COL4A4: variants seen among roughly 807,000 people sequenced by gnomAD.
The protein encoded by COL4A4 is collagen type IV alpha 4 chain, also known as collagen alpha-4(IV) chain.
A neutral mutation model predicts 192.9 loss-of-function variants in COL4A4; 105 were observed. The observed-to-expected ratio is 0.54, with a 90% CI of 0.46 to 0.64. The LOEUF (loss-of-function observed/expected upper bound fraction) is 0.64. COL4A4 is among the 30% of genes least tolerant of loss of function. The probability of loss-of-function intolerance (pLI) is 0.00; values close to 1 mark genes in which losing one functional copy is unlikely to be tolerated. For synonymous variants in COL4A4, 762 were observed against 769.9 expected (o/e 0.99, Z 0.17); for missense variants, 1,967 against 2,169.3 (o/e 0.91, Z 1.85).
At chr2:227,127,319 T>C (rs2062148154) in intron 4 of COL4A4, among the ~76,000 whole-genome samples, 1 of 152,246 alleles carries the variant, frequency 6.6e-6, no homozygotes. Flanking sequence ...TCTTTCTTTC[T>C]TTCTTTTGGT....
the COL4A4 span, among the ~76,000 whole-genome samples, chr2:226,983,611 T>A: frequency 6.6e-6 from 1 of 152,238 alleles, no homozygotes; most frequent in Non-Finnish European, 1.5e-5. Context: ...CTTTTCCCAC[T>A]GGCTTGTCTT....
chr2:227,048,296 C>T (rs1973324042), intron 34 of COL4A4, among the ~76,000 whole-genome samples: 1 of 152,176 alleles, frequency 6.6e-6, no homozygotes, highest in Non-Finnish European at 1.5e-5. Flanking sequence ...AAGTCTTTCT[C>T]CTATCTGATT....
In COL4A4 at chr2:227,146,283, C is replaced by CT. The variant is rs11331158; in HGVS notation, c.71+1129dup. 1.5e-3 allele frequency among the ~76,000 whole-genome samples: 227 copies of CT among 147,750 alleles called. 1 individual carries two copies. The highest frequency in any genetic ancestry group is 8.9e-3 in the Admixed American group (133 of 14,882). The stretch of plus-strand genomic sequence containing the variant: ...TAGATATTAAAAAGTAAGATCATTC[C>CT]TTTTTTTTTTTTCTTTAAAAAAAAA... On this transcript the variant is annotated intron_variant, in intron 2 of 47. Coordinates refer to ENST00000396625, the MANE Select transcript of COL4A4 (RefSeq NM_000092.5).
At chr2:226,993,594 G>GT in the COL4A4 span, among the ~76,000 whole-genome samples, 1 of 152,142 alleles carries the variant, frequency 6.6e-6, no homozygotes, top group Non-Finnish European at 1.5e-5. Flanking sequence ...TGGCAAAAAC[G>GT]TTTTTTGGGG....
At chr2:227,073,179 A>G (rs767207995) in intron 25 of COL4A4, among the ~76,000 whole-genome samples, 1 of 152,114 alleles carries the variant, frequency 6.6e-6, no homozygotes, top group Non-Finnish European at 1.5e-5. Context: ...CTTAGATATG[A>G]TAAACAAATT....
At chr2:227,032,082 T>G in intron 39 of COL4A4, 27 bp from the exon 40 acceptor site, 1 of 1,613,860 alleles carries the variant, frequency 6.2e-7, no homozygotes, top group Non-Finnish European at 8.5e-7. Context: ...TCACATGTTA[T>G]CCTCATTGCA....
the COL4A4 span, among the ~76,000 whole-genome samples, chr2:226,984,818 T>C: frequency 1.3e-5 from 2 of 151,586 alleles, no homozygotes; most frequent in African/African-American, 4.8e-5. Context: ...GTTCTGAGTG[T>C]CCTTAGACAG....
Position 227,007,217 on chromosome 2 carries a change from C to CT in COL4A4, c.*107dup. 1 of 1,487,934 alleles carries CT rather than the reference C, an allele frequency of 6.7e-7. No homozygotes were observed. The highest frequency in any genetic ancestry group is 9.4e-7 in the Non-Finnish European group (1 of 1,066,456). 92.2% of individuals were successfully genotyped at this position (1,487,934 alleles called of 1,614,324 possible). A position where few individuals can be genotyped will look rare whatever the true frequency, so the allele number is the denominator to read the frequency against. On this transcript the variant is annotated 3_prime_UTR_variant, in exon 48 of 48. Transcript: ENST00000396625. ...AACCACGACAAAACAGAAGGAACCA[C>CT]TGAAAGGGAGTCCAAAATGAGCACC...
At position 227,123,070 on chromosome 2, in the gene COL4A4, G is replaced by A. The variant is rs979898021; in HGVS notation, c.193-1922C>T. Among the ~76,000 whole-genome samples, 3 of 152,074 alleles carry A rather than the reference G, an allele frequency of 2.0e-5. No homozygotes were observed. The South Asian group carries it at 6.3e-4, about 32-fold the overall frequency. On this transcript the variant is annotated intron_variant, in intron 4 of 47. Coordinates refer to ENST00000396625, the MANE Select transcript of COL4A4 (RefSeq NM_000092.5). The surrounding 1 kb of genome is among the most constrained non-coding windows in gnomAD (Gnocchi z 4.6). ...AGTAGAGACTGGGTTTCAGTATGTT[G>A]GCCAGGCTGGTCTCGAACTCCTGAC...
At position 227,030,565 on chromosome 2, in the gene COL4A4, A is replaced by AC; in HGVS notation, c.3850dup (p.Val1284GlyfsTer2). On this transcript the variant is annotated frameshift_variant, in exon 41 of 48. Coordinates refer to ENST00000396625, the MANE Select transcript of COL4A4 (RefSeq NM_000092.5). LOFTEE classifies it high-confidence loss of function. ...ACCTGGCTCCCCTCTCAGAAGGTCA[A>AC]CACTCCCAGGGAGGCCTGGAGGCCC... The AC allele has an allele frequency of 6.2e-7, 1 of 1,613,864 alleles. No homozygotes were observed. The highest frequency in any genetic ancestry group is 1.1e-5 in the South Asian group (1 of 91,034).
intron 42 of COL4A4, among the ~76,000 whole-genome samples, chr2:227,026,477 T>C (rs372213598): frequency 9.6e-5 from 14 of 145,718 alleles, no homozygotes; most frequent in Non-Finnish European, 3.0e-5. Flanking sequence ...CCAGCCTGGG[T>C]GACAAAGCGA....
chr2:226,981,448 A>AG, the COL4A4 span, among the ~76,000 whole-genome samples: 9 of 152,122 alleles, frequency 5.9e-5, no homozygotes, highest in African/African-American at 2.2e-4. Flanking sequence ...AAAAAAAAAA[A>AG]AGATGTTAGT....
At chr2:227,104,554 C>A (rs935462550) in intron 12 of COL4A4, among the ~76,000 whole-genome samples, 9 of 146,838 alleles carry the variant, frequency 6.1e-5, no homozygotes, top group African/African-American at 2.3e-4. Context: ...TGCACTCCAG[C>A]CTGGGCGACA....
chr2:227,086,170 CAA>C (rs1285212190), intron 22 of COL4A4, among the ~76,000 whole-genome samples: 2 of 152,186 alleles, frequency 1.3e-5, no homozygotes, highest in African/African-American at 4.8e-5. Flanking sequence ...GCAATGAATG[CAA>C]AGACTTGGTT....
downstream of COL4A4, chr2:226,997,924 A>G (rs1012117024): frequency 3.9e-5 from 6 of 152,248 alleles, no homozygotes; most frequent in Non-Finnish European, 5.9e-5. Context: ...TTCCTCTACA[A>G]TAAGGAATCC....
intron 8 of COL4A4, among the ~76,000 whole-genome samples, chr2:227,113,375 C>T (rs73993632): frequency 0.063 from 9,539 of 152,008 alleles, 969 homozygotes; most frequent in African/African-American, 0.22. Flanking sequence ...TATATTCATC[C>T]CCCTTCTATA....
chr2:227,146,512 A>G (rs1403653143), intron 2 of COL4A4, among the ~76,000 whole-genome samples: 1 of 152,002 alleles, frequency 6.6e-6, no homozygotes, highest in Non-Finnish European at 1.5e-5. Flanking sequence ...GAACAATCTC[A>G]TATTGGTTTC....
At chr2:227,157,725 C>T (rs1447019829) in intron 1 of COL4A4, among the ~76,000 whole-genome samples, 1 of 151,404 alleles carries the variant, frequency 6.6e-6, no homozygotes, top group African/African-American at 2.4e-5. Flanking sequence ...TTTAAATGGC[C>T]CTATAGCAAT....
At position 227,103,273 on chromosome 2, in the gene COL4A4, T is replaced by C. The variant is rs1384188806; in HGVS notation, c.817-76A>G. 8 of 1,173,592 alleles carry C rather than the reference T, an allele frequency of 6.8e-6. No individual in the cohort carries two copies. In the African/African-American group the frequency reaches 9.2e-5, roughly 14 times the overall value. The allele number at this position is 1,173,592 out of a possible 1,614,324, so 72.7% of individuals were successfully genotyped here. A position where few individuals can be genotyped will look rare whatever the true frequency, so the allele number is the denominator to read the frequency against. On this transcript the variant is annotated intron_variant, in intron 13 of 47. Coordinates refer to ENST00000396625, the MANE Select transcript of COL4A4 (RefSeq NM_000092.5). ...TGAATTCCATCTCCTTCAGAAATCA[T>C]CTCTTTTTACAATCTGTTTCACCTT...
Sources: allele counts gnomAD v4.1 joint callset (sites outside exome capture counted in the v4.1 genomes callset), GRCh38; gene constraint gnomAD v4.1.1; non-coding constraint Gnocchi (gnomAD v3.1); transcripts MANE v1.5; gene names NCBI Gene and HGNC (gene_info 2026-07-23, HGNC 2026-07-21).